Variants in DLGAP1 observed in about 807,000 individuals in gnomAD.
DLGAP1 encodes disks large-associated protein 1.
A neutral mutation model predicts 90.8 loss-of-function variants in DLGAP1; 11 were observed. The observed-to-expected ratio is 0.12, with a 90% confidence interval of 0.08 to 0.20. The LOEUF (loss-of-function observed/expected upper bound fraction) is 0.20. Ranked by LOEUF, DLGAP1 falls within the 10% of genes least tolerant of loss-of-function variation. DLGAP1 has a pLI of 1.00. For missense variants in DLGAP1, 1,050 were observed against 1,333.8 expected (o/e 0.79, Z 3.31); for synonymous variants, 558 against 540.7 (o/e 1.03, Z -0.44).
chr18:4,298,169 G>T (rs531579516), intron 1 of DLGAP1, among the ~76,000 whole-genome samples: 5 of 152,068 alleles, frequency 3.3e-5, no homozygotes. Context: ...CCCGCAGTCC[G>T]CCTTAAGGAA....
chr18:3,735,211 T>C (rs778298803), intron 6 of DLGAP1, among the ~76,000 whole-genome samples: 4 of 152,032 alleles, frequency 2.6e-5, no homozygotes, highest in Non-Finnish European at 1.5e-5. Flanking sequence ...AAAAATAAAA[T>C]AATGTCAAAA....
At chr18:3,886,833 T>C (rs1162485548) in intron 3 of DLGAP1, among the ~76,000 whole-genome samples, 1 of 152,220 alleles carries the variant, frequency 6.6e-6, no homozygotes, top group Non-Finnish European at 1.5e-5. Flanking sequence ...TGAAACGGCA[T>C]GTGTGATTTC....
At chr18:4,273,937 ATTT>A (rs553513492) in intron 1 of DLGAP1, among the ~76,000 whole-genome samples, 1 of 151,532 alleles carries the variant, frequency 6.6e-6, no homozygotes, top group African/African-American at 2.4e-5. Context: ...AGGCTTGTCA[ATTT>A]TTTTTATCTT....
chr18:3,827,144 ACTAT>A (rs2067764244), intron 4 of DLGAP1, among the ~76,000 whole-genome samples: 1 of 152,160 alleles, frequency 6.6e-6, no homozygotes, highest in Admixed American at 6.5e-5. Context: ...AGGGTAGCTT[ACTAT>A]CTAAGACTGG....
chr18:4,357,157 C>CT (rs554248097), intron 1 of DLGAP1, among the ~76,000 whole-genome samples: 4,714 of 108,656 alleles, frequency 0.043, 369 homozygotes, highest in African/African-American at 0.13. Context: ...TGTTTTTTTC[C>CT]TTTTTTTTTT....
intron 7 of DLGAP1, among the ~76,000 whole-genome samples, chr18:3,693,243 TCA>T (rs1305975404): frequency 6.6e-6 from 1 of 151,932 alleles, no homozygotes; most frequent in Non-Finnish European, 1.5e-5. Context: ...CTACCATGTC[TCA>T]CTTATTTAAA....
chr18:3,801,915 A>C (rs2066313147), intron 5 of DLGAP1, among the ~76,000 whole-genome samples: 1 of 152,146 alleles, frequency 6.6e-6, no homozygotes, highest in African/African-American at 2.4e-5. Context: ...TAAGAAAAAA[A>C]ATCTCTCTTG....
At chr18:3,984,307 C>T (rs2073798903) in intron 3 of DLGAP1, 1 of 152,126 alleles carries the variant, frequency 6.6e-6, no homozygotes, top group African/African-American at 2.4e-5. Flanking sequence ...TCAGTGGTCT[C>T]CCCTGACTCA....
At chr18:4,124,608 T>C (rs756457836) in intron 2 of DLGAP1, among the ~76,000 whole-genome samples, 1 of 152,232 alleles carries the variant, frequency 6.6e-6, no homozygotes, top group Non-Finnish European at 1.5e-5. Context: ...TCCTTCACCA[T>C]AAAATATTTT....
chr18:4,089,064 G>T (rs952653987), intron 2 of DLGAP1, among the ~76,000 whole-genome samples: 4 of 152,140 alleles, frequency 2.6e-5, no homozygotes, highest in African/African-American at 4.8e-5. Context: ...CATCATCTCA[G>T]CCCTAAAGCT....
chr18:4,224,849 A>C (rs1568459765), intron 1 of DLGAP1, among the ~76,000 whole-genome samples: 1 of 152,122 alleles, frequency 6.6e-6, no homozygotes, highest in Non-Finnish European at 1.5e-5. Flanking sequence ...CCTTGAGAAA[A>C]CATAGGAGGT....
chr18:3,901,221 T>G (rs893310952), intron 3 of DLGAP1, among the ~76,000 whole-genome samples: 1 of 152,156 alleles, frequency 6.6e-6, no homozygotes, highest in African/African-American at 2.4e-5. Context: ...TGCCCTTCCC[T>G]GCCTACACAG....
intron 1 of DLGAP1, among the ~76,000 whole-genome samples, chr18:4,268,141 C>T (rs2079172205): frequency 6.6e-6 from 1 of 152,128 alleles, no homozygotes; most frequent in African/African-American, 2.4e-5. Flanking sequence ...CATCTCTGCA[C>T]AATTAAAACT....
intron 4 of DLGAP1, among the ~76,000 whole-genome samples, chr18:3,863,298 A>G (rs535159134): frequency 6.6e-6 from 1 of 152,308 alleles, no homozygotes; most frequent in East Asian, 1.9e-4. Flanking sequence ...AAATAGGGAA[A>G]TGTCCTTTGC....
At chr18:3,603,278 C>T (rs950941240) in intron 7 of DLGAP1, 2 of 151,946 alleles carry the variant, frequency 1.3e-5, no homozygotes, top group Non-Finnish European at 2.9e-5. Context: ...TGAGTCAAAC[C>T]TCAGCCCAGG....
At chr18:3,502,382 T>C (rs765551217) in intron 12 of DLGAP1, 111 bp downstream of exon 12, 2 of 1,505,828 alleles carry the variant, frequency 1.3e-6, no homozygotes, top group African/African-American at 1.4e-5. Flanking sequence ...TAATATGATA[T>C]CAGCTCCATT....
chr18:3,860,874 T>C (rs113312802), intron 4 of DLGAP1, among the ~76,000 whole-genome samples: 7 of 152,348 alleles, frequency 4.6e-5, no homozygotes, highest in African/African-American at 1.7e-4. Flanking sequence ...ATAGAAATAC[T>C]TTCAAGGCTT....
intron 2 of DLGAP1, among the ~76,000 whole-genome samples, chr18:4,110,712 G>T (rs1370022206): frequency 6.6e-6 from 1 of 152,054 alleles, no homozygotes; most frequent in African/African-American, 2.4e-5. Flanking sequence ...CAGGATTCTG[G>T]GAACAAAAGA....
Position 3,534,201 on chromosome 18 carries a change from G to A in DLGAP1, c.2472C>T (p.Pro824=), listed in dbSNP as rs73939849. The A allele has an allele frequency of 7.5e-4, 1,207 of 1,612,882 alleles. 8 individuals are homozygous for A. The African/African-American group carries it at 0.013, about 17-fold the overall frequency. Residue 824 remains proline, a synonymous_variant, in exon 10 of 13, where the codon CCC becomes CCT. Coordinates refer to ENST00000315677, the MANE Select transcript of DLGAP1 (RefSeq NM_004746.4). ...MEREERENNL[P]EDILGKIRTA... ...CGTGGTGGCATTACTTACTGTCTTC[G>A]GGCAGGTTGTTTTCCCGTTCTTCCC...
Sources: allele counts gnomAD v4.1 joint callset (sites outside exome capture counted in the v4.1 genomes callset), GRCh38; gene constraint gnomAD v4.1.1; transcripts MANE v1.5; gene names NCBI Gene and HGNC (gene_info 2026-07-23, HGNC 2026-07-21).